The following ADGRL2 variants were observed in gnomAD, a reference collection of about 807,000 sequenced individuals.
ADGRL2 encodes adhesion G protein-coupled receptor L2, also known as calcium-independent alpha-latrotoxin receptor 2.
In ADGRL2, 44 loss-of-function variants were observed where a neutral mutation model predicts 157.4. The observed-to-expected ratio is 0.28, with a 90% confidence interval of 0.22 to 0.36. The LOEUF is 0.36. ADGRL2 is among the 10% of genes least tolerant of loss of function. The pLI, the probability that ADGRL2 is intolerant of heterozygous loss-of-function variation, is 1.00. For synonymous variants in ADGRL2, 585 were observed against 624.7 expected (o/e 0.94, Z 0.95); for missense variants, 1,510 against 1,768.9 (o/e 0.85, Z 2.63).
chr1:81,319,175 G>A (rs1355467233), intron 1 of ADGRL2, among the ~76,000 whole-genome samples: 2 of 151,132 alleles, frequency 1.3e-5, no homozygotes, highest in Non-Finnish European at 1.5e-5. Flanking sequence ...TTGAACTCCC[G>A]ACCTCAAGTG....
chr1:81,633,309 A>G (rs1316890179), intron 3 of ADGRL2, among the ~76,000 whole-genome samples: 1 of 152,118 alleles, frequency 6.6e-6, no homozygotes, highest in Non-Finnish European at 1.5e-5. Context: ...AAAAGAGAAC[A>G]TGCTGGGCGG....
intron 1 of ADGRL2, among the ~76,000 whole-genome samples, chr1:81,336,120 C>T (rs184553358): frequency 2.6e-5 from 4 of 152,166 alleles, no homozygotes; most frequent in African/African-American, 4.8e-5. Flanking sequence ...TCCTGATTAA[C>T]GTTCAGTGGC....
intron 2 of ADGRL2, among the ~76,000 whole-genome samples, chr1:81,449,924 T>C (rs1397075317): frequency 2.0e-5 from 3 of 152,180 alleles, no homozygotes; most frequent in Non-Finnish European, 4.4e-5. Context: ...ATGTTGGTCT[T>C]GTGTGCAAAG....
chr1:81,696,756 A>C (rs2083455140), upstream of ADGRL2, among the ~76,000 whole-genome samples: 1 of 152,114 alleles, frequency 6.6e-6, no homozygotes, highest in African/African-American at 2.4e-5. Flanking sequence ...CATCTCAAAA[A>C]CAAAAACAAA....
chr1:81,651,027 G>A (rs1443121250), intron 3 of ADGRL2, among the ~76,000 whole-genome samples: 1 of 152,168 alleles, frequency 6.6e-6, no homozygotes, highest in Non-Finnish European at 1.5e-5. Context: ...TGAGAGAGAT[G>A]TGCCATGCCA....
intron 3 of ADGRL2, among the ~76,000 whole-genome samples, chr1:81,632,948 A>AT (rs546232371): frequency 1.3e-5 from 2 of 152,082 alleles, no homozygotes; most frequent in Admixed American, 6.6e-5. Context: ...GCTATAATAG[A>AT]TTTTTTTATA....
At chr1:81,788,500 C>T (rs1301462114) in intron 2 of ADGRL2, among the ~76,000 whole-genome samples, 1 of 152,192 alleles carries the variant, frequency 6.6e-6, no homozygotes, top group Admixed American at 6.5e-5. Flanking sequence ...ATGCCAGCAT[C>T]AAGCTTCCTG....
At chr1:81,391,294 C>T (rs1162718967) in intron 1 of ADGRL2, among the ~76,000 whole-genome samples, 1 of 152,306 alleles carries the variant, frequency 6.6e-6, no homozygotes, top group African/African-American at 2.4e-5. Context: ...GACTGCCGTG[C>T]TAACATCAAT....
chr1:81,818,374 A>T (rs1280030898), intron 1 of ADGRL2, among the ~76,000 whole-genome samples: 2 of 152,186 alleles, frequency 1.3e-5, no homozygotes, highest in Admixed American at 6.6e-5. Flanking sequence ...TACATTCAAG[A>T]TGTAATTTTT....
chr1:81,582,472 A>G (rs569738340), intron 3 of ADGRL2, among the ~76,000 whole-genome samples: 60 of 152,230 alleles, frequency 3.9e-4, no homozygotes, highest in African/African-American at 1.4e-3. Flanking sequence ...GTTGTGTGGC[A>G]TGTTCCTTAC....
intron 2 of ADGRL2, among the ~76,000 whole-genome samples, chr1:81,560,941 C>T (rs1183648675): frequency 6.6e-6 from 1 of 152,136 alleles, no homozygotes; most frequent in African/African-American, 2.4e-5. Flanking sequence ...TTGAATGCAC[C>T]AGACACAATC....
intron 3 of ADGRL2, among the ~76,000 whole-genome samples, chr1:81,652,335 T>G (rs1179848287): frequency 6.6e-6 from 1 of 152,194 alleles, no homozygotes; most frequent in Non-Finnish European, 1.5e-5. Context: ...AGGGGGATTT[T>G]TACTTTAACA....
rs1162723877 is a variant in ADGRL2, at chr1:81,835,990, A to G, written c.-100-895A>G. On this transcript the variant is annotated intron_variant, in intron 1 of 23. Transcript: ENST00000686636. ...TACTGCTAATAGCATCCCGTGTGAT[A>G]AGCTACATGAAGCATGTAGTAAATG... Among the ~76,000 whole-genome samples, 3 of 152,238 alleles carry G rather than the reference A, an allele frequency of 2.0e-5. No homozygotes were observed. In the East Asian group the frequency reaches 5.8e-4, roughly 29 times the overall value.
intron 2 of ADGRL2, among the ~76,000 whole-genome samples, chr1:81,529,264 G>A (rs1199304722): frequency 6.6e-6 from 1 of 152,186 alleles, no homozygotes; most frequent in Non-Finnish European, 1.5e-5. Flanking sequence ...GTGAAGGACA[G>A]TGGAAAGAAG....
chr1:81,750,770 T>G (rs2149265473), intron 1 of ADGRL2, among the ~76,000 whole-genome samples: 1 of 152,214 alleles, frequency 6.6e-6, no homozygotes, highest in East Asian at 1.9e-4. Flanking sequence ...CATTGGACCC[T>G]GTGGTGCTGG....
At chr1:81,326,354 T>A (rs1188220327) in intron 1 of ADGRL2, among the ~76,000 whole-genome samples, 3 of 152,202 alleles carry the variant, frequency 2.0e-5, no homozygotes, top group Non-Finnish European at 1.5e-5. Flanking sequence ...AATAAGACCG[T>A]CTGTTAAGAC....
At chr1:81,693,295 C>T (rs957523851) in intron 3 of ADGRL2, among the ~76,000 whole-genome samples, 2 of 152,314 alleles carry the variant, frequency 1.3e-5, no homozygotes, top group Admixed American at 1.3e-4. Flanking sequence ...TAGTGCTCCA[C>T]TTAAAGTTCC....
At position 81,463,090 on chromosome 1, in the gene ADGRL2, G is replaced by A. The variant is rs546549249; in HGVS notation, c.-248+18001G>A. Among the ~76,000 whole-genome samples, 12 of 143,442 alleles carry A rather than the reference G, an allele frequency of 8.4e-5. No homozygotes were observed. In the South Asian group the frequency reaches 1.6e-3, roughly 19 times the overall value. 94.1% of individuals were successfully genotyped at this position (143,442 alleles called of 152,430 possible). A position where few individuals can be genotyped will look rare whatever the true frequency, so the allele number is the denominator to read the frequency against. On this transcript the variant is annotated intron_variant, in intron 2 of 24. Transcript: ENST00000370721. The stretch of plus-strand genomic sequence containing the variant: ...TGATTGCACCACTGCATTCCGGCCT[G>A]GGCAATAGAGTGAGACCATGTCTCA...
chr1:81,516,632 G>A (rs1380252191), intron 2 of ADGRL2, among the ~76,000 whole-genome samples: 1 of 152,174 alleles, frequency 6.6e-6, no homozygotes, highest in Non-Finnish European at 1.5e-5. Flanking sequence ...GTCTAACATG[G>A]GCCAACTTCT....
Sources: gnomAD v4.1 joint callset for allele counts (sites outside exome capture counted in the v4.1 genomes callset) on GRCh38, gnomAD v4.1.1 for gene constraint, MANE v1.5 for transcripts, NCBI Gene and HGNC (gene_info 2026-07-23, HGNC 2026-07-21) for gene names.